PTPRS: variants seen among roughly 807,000 people sequenced by gnomAD.
PTPRS encodes protein tyrosine phosphatase receptor type S.
A neutral mutation model predicts 215.3 loss-of-function variants in PTPRS; 63 were observed. That is an observed-to-expected ratio of 0.29 (90% confidence interval 0.24 to 0.36). The LOEUF is 0.36. Ranked by LOEUF, PTPRS falls within the 10% of genes least tolerant of loss-of-function variation. PTPRS has a pLI of 1.00. For missense variants in PTPRS, 2,258 were observed against 2,825.8 expected (o/e 0.80, Z 4.56); for synonymous variants, 1,404 against 1,191.4 (o/e 1.18, Z -3.68).
At chr19:5,260,932 C>T (rs1445356074) in intron 6 of PTPRS, 110 bp from the exon 7 acceptor site, 1 of 1,307,360 alleles carries the variant, frequency 7.6e-7, no homozygotes, top group Non-Finnish European at 1.1e-6. Context: ...AGCACTCTGC[C>T]CCAGGGAGGG....
At chr19:5,292,346 G>A (rs1203326893) in intron 1 of PTPRS, among the ~76,000 whole-genome samples, 3 of 152,154 alleles carry the variant, frequency 2.0e-5, no homozygotes, top group Non-Finnish European at 4.4e-5. Context: ...CCACCCTAGG[G>A]GGTCTGGCAG....
At chr19:5,328,513 T>C (rs1255329325) in intron 1 of PTPRS, among the ~76,000 whole-genome samples, 1 of 152,014 alleles carries the variant, frequency 6.6e-6, no homozygotes, top group Non-Finnish European at 1.5e-5. Context: ...GTTGGGATTA[T>C]AGGCGTGAAC....
At chr19:5,268,305 C>T (rs1031703095) in intron 4 of PTPRS, among the ~76,000 whole-genome samples, 1 of 152,114 alleles carries the variant, frequency 6.6e-6, no homozygotes, top group Non-Finnish European at 1.5e-5. Flanking sequence ...ACCGTCCAGC[C>T]TGTAGAGCCA....
chr19:5,226,449 G>A (rs577491321), intron 16 of PTPRS, among the ~76,000 whole-genome samples: 6 of 152,168 alleles, frequency 3.9e-5, no homozygotes, highest in Non-Finnish European at 7.3e-5. Flanking sequence ...AACTGTACGA[G>A]GCTGGGCGCA....
intron 17 of PTPRS, among the ~76,000 whole-genome samples, chr19:5,223,920 A>C (rs1170351212): frequency 2.6e-5 from 4 of 151,152 alleles, no homozygotes; most frequent in Non-Finnish European, 5.9e-5. Context: ...CACATCTGTA[A>C]GTAATCCCAG....
chr19:5,284,608 G>A (rs1325054919), intron 2 of PTPRS, among the ~76,000 whole-genome samples: 1 of 152,072 alleles, frequency 6.6e-6, no homozygotes, highest in Non-Finnish European at 1.5e-5. Context: ...CACCTCATCA[G>A]GGTGCGGTGG....
At chr19:5,267,803 C>T (rs926298518) in intron 4 of PTPRS, among the ~76,000 whole-genome samples, 1 of 148,798 alleles carries the variant, frequency 6.7e-6, no homozygotes, top group Non-Finnish European at 1.5e-5. Context: ...GGCAGCTCCT[C>T]TGCATCTGGT....
At chr19:5,285,230 G>A (rs1395686785) in intron 2 of PTPRS, among the ~76,000 whole-genome samples, 2 of 152,162 alleles carry the variant, frequency 1.3e-5, no homozygotes, top group African/African-American at 4.8e-5. Context: ...AGCAGAGCCA[G>A]GATTCAAACC....
At chr19:5,209,188 C>T (rs1006714052) in intron 35 of PTPRS, among the ~76,000 whole-genome samples, 1 of 152,216 alleles carries the variant, frequency 6.6e-6, no homozygotes, top group African/African-American at 2.4e-5. Flanking sequence ...GCATCTTCCA[C>T]TGACTGTCTT....
At position 5,216,270 on chromosome 19, in the gene PTPRS, C is replaced by T. The variant is rs532879058; in HGVS notation, c.4096+450G>A. On this transcript the variant is annotated intron_variant, in intron 26 of 37. Coordinates refer to ENST00000262963, the MANE Select transcript of PTPRS (RefSeq NM_002850.4). ...CTGCCGAAGGTGCTGGGTGTGGGCT[C>T]GGTTCTCCCTTCCCGATATCTGGGT... 9.2e-5 allele frequency among the ~76,000 whole-genome samples: 14 copies of T among 152,184 alleles called. No homozygotes were observed. In the East Asian group the frequency reaches 1.5e-3, roughly 17 times the overall value.
In PTPRS at chr19:5,220,339, A is replaced by G; in HGVS notation, c.3470T>C (p.Val1157Ala). 1 of 1,613,732 alleles carries G rather than the reference A, an allele frequency of 6.2e-7. No homozygotes were observed. The highest frequency in any genetic ancestry group is 8.5e-7 in the Non-Finnish European group (1 of 1,179,840). Residue 1157 changes from valine (V) to alanine (A), a missense_variant, in exon 21 of 38, where the codon GTG becomes GCG. This residue lies in a region of PTPRS where 927 missense variants were observed against 1,125.9 expected (regional missense o/e 0.82). Coordinates refer to ENST00000262963, the MANE Select transcript of PTPRS (RefSeq NM_002850.4). ...ACGAGACTTGCGCAGTGGCACCATC[A>G]CAATGAAATAGCTCCTGTAGGGAGA... ...SPVPVQSYFIVMVPLRKSRGG... is the reference protein window; with the variant it reads ...SPVPVQSYFIAMVPLRKSRGG...
intron 1 of PTPRS, among the ~76,000 whole-genome samples, chr19:5,301,466 C>A (rs1051781087): frequency 6.6e-6 from 1 of 152,070 alleles, no homozygotes; most frequent in Non-Finnish European, 1.5e-5. Context: ...CAGGTGCCCA[C>A]CACCATGCTT....
At position 5,256,242 on chromosome 19, in the gene PTPRS, T is replaced by TG. The variant is rs201973487; in HGVS notation, c.707-124_707-123insC. The TG allele has an allele frequency of 4.3e-4, 316 of 729,274 alleles. 1 individual carries two copies. The highest frequency in any genetic ancestry group is 5.6e-4 in the Non-Finnish European group (276 of 495,152). 45.2% of individuals were successfully genotyped at this position (729,274 alleles called of 1,614,324 possible). On this transcript the variant is annotated intron_variant, in intron 8 of 37. Transcript: ENST00000262963. ...GCTAAAAGCTGCAATAGTTTGTTGT[T>TG]TTTTTTTTCTTTAAACCAAAAAAAA...
intron 1 of PTPRS, among the ~76,000 whole-genome samples, chr19:5,330,322 G>A (rs1001842405): frequency 9.2e-5 from 14 of 152,244 alleles, no homozygotes; most frequent in Admixed American, 7.2e-4. Flanking sequence ...TTCCCCATCC[G>A]CAAGACAAGG....
rs2043624309 is a variant in PTPRS, at chr19:5,237,961, T to G, written c.1849+958A>C. On this transcript the variant is annotated intron_variant, in intron 13 of 37. Transcript: ENST00000262963. This position sits in a 1 kb window ranked among gnomAD's most constrained non-coding sequence, Gnocchi z 4.2. ...CTTCGACTGATCCGAGATGCCCCTG[T>G]GTACACACACCCAGGGCGGGCCTTG... is the stretch of plus-strand genomic sequence containing the variant. 6.6e-6 allele frequency among the ~76,000 whole-genome samples: 1 copy of G among 151,696 alleles called. No individual in the cohort carries two copies. Among genetic ancestry groups the G allele is most frequent in the Non-Finnish European group, 1.5e-5 (1 of 67,932 alleles).
At chr19:5,214,251 C>T in intron 30 of PTPRS, 110 bp downstream of exon 30, 2 of 1,472,450 alleles carry the variant, frequency 1.4e-6, no homozygotes, top group Non-Finnish European at 1.9e-6. Flanking sequence ...TAGACACGCT[C>T]CGCTTTCTCT....
At chr19:5,215,996 G>A (rs1392333381) in intron 26 of PTPRS, among the ~76,000 whole-genome samples, 2 of 152,162 alleles carry the variant, frequency 1.3e-5, no homozygotes, top group South Asian at 2.1e-4. Flanking sequence ...AATTGCAGAC[G>A]CAGCCGGCTG....
intron 6 of PTPRS, among the ~76,000 whole-genome samples, chr19:5,261,517 C>T (rs1433159889): frequency 6.6e-6 from 1 of 152,216 alleles, no homozygotes; most frequent in Non-Finnish European, 1.5e-5. Context: ...ACTCCCTCTG[C>T]TCATGATCCA....
At chr19:5,216,644 A>T (rs1278156554) in intron 26 of PTPRS, 76 bp downstream of exon 26, 8 of 1,233,236 alleles carry the variant, frequency 6.5e-6, no homozygotes, top group East Asian at 2.5e-5. Flanking sequence ...GAGACAGGAG[A>T]CACGATGGAG....
Sources: gnomAD v4.1 joint callset for allele counts (sites outside exome capture counted in the v4.1 genomes callset) on GRCh38, gnomAD v4.1.1 for gene constraint, gnomAD v4.1.1 regional missense constraint, Gnocchi (gnomAD v3.1) non-coding constraint, MANE v1.5 for transcripts, NCBI Gene and HGNC (gene_info 2026-07-23, HGNC 2026-07-21) for gene names.